The following COL6A6 variants were observed in gnomAD, a reference collection of about 807,000 sequenced individuals.
The protein encoded by COL6A6 is collagen type VI alpha 6 chain.
A neutral mutation model predicts 208.6 loss-of-function variants in COL6A6; 183 were observed. The ratio of observed to expected loss-of-function variants is 0.88; its 90% CI spans 0.78 to 0.99. The LOEUF (loss-of-function observed/expected upper bound fraction) is 0.99. Among genes scored for constraint, COL6A6 ranks in the 50% least tolerant of loss-of-function variants. The pLI, the probability that COL6A6 is intolerant of heterozygous loss-of-function variation, is 0.00. For missense variants in COL6A6, 2,816 were observed against 2,815.2 expected, an observed-to-expected ratio of 1.00 and a Z score of -0.01; for synonymous variants, 973 against 1,011.8, an observed-to-expected ratio of 0.96 and a Z score of 0.73.
At chr3:130,614,380 G>T (rs1264035374) in intron 23 of COL6A6, among the ~76,000 whole-genome samples, 1 of 152,122 alleles carries the variant, frequency 6.6e-6, no homozygotes, top group Non-Finnish European at 1.5e-5. Flanking sequence ...TGGTGAATTA[G>T]CTTTTTGATG....
chr3:130,518,564 A>G (rs1021326482), intron 1 of COL6A6, among the ~76,000 whole-genome samples: 10 of 152,194 alleles, frequency 6.6e-5, no homozygotes, highest in African/African-American at 1.4e-4. Context: ...CTGGAGTGCA[A>G]TGCGCCATCT....
chr3:130,634,488 A>G, intron 26 of COL6A6, 102 bp from the exon 27 acceptor site: 2 of 994,752 alleles, frequency 2.0e-6, no homozygotes, highest in Non-Finnish European at 3.1e-6. Context: ...TCCTTAATTC[A>G]GAGGTACCAA....
At chr3:130,656,256 G>C (rs2065786419) in intron 33 of COL6A6, among the ~76,000 whole-genome samples, 1 of 152,244 alleles carries the variant, frequency 6.6e-6, no homozygotes, top group Non-Finnish European at 1.5e-5. Context: ...TGGGTCCTGA[G>C]TTTTTGTCCT....
At chr3:130,534,501 G>T in intron 1 of COL6A6, among the ~76,000 whole-genome samples, 1 of 151,938 alleles carries the variant, frequency 6.6e-6, no homozygotes. Context: ...TATACTTACT[G>T]TATTTTCATT....
chr3:130,608,944 C>G lies in COL6A6; in HGVS notation c.4732C>G (p.Leu1578Val), dbSNP rs747329740. ...AGGACCAGATGGACTTGAAGGCTCC[C>G]TGGGACTTAAGGGCCCTCAGGTACA... The part of the protein sequence containing the change: ...IPGPDGLEGS[L>V]GLKGPQGPRG... Residue 1578 changes from leucine to valine, a missense_variant, in exon 22 of 37, where the codon CTG becomes GTG. Transcript: ENST00000358511. The G allele has an allele frequency of 3.0e-5, 48 of 1,613,180 alleles. No individual in the cohort carries two copies. Among genetic ancestry groups the G allele is most frequent in the East Asian group, 8.9e-5 (4 of 44,878 alleles).
At chr3:130,652,283 G>C (rs1457336701) in intron 33 of COL6A6, among the ~76,000 whole-genome samples, 1 of 152,202 alleles carries the variant, frequency 6.6e-6, no homozygotes, top group East Asian at 1.9e-4. Flanking sequence ...ATGCTGGGAT[G>C]TAGGTTGGTT....
intron 1 of COL6A6, among the ~76,000 whole-genome samples, chr3:130,520,139 T>G (rs904017265): frequency 2.0e-5 from 3 of 152,230 alleles, no homozygotes; most frequent in Non-Finnish European, 2.9e-5. Context: ...AGGGTCAAAT[T>G]ATGCCTGCAG....
chr3:130,625,702 T>C (rs1278962996), intron 24 of COL6A6, among the ~76,000 whole-genome samples: 1 of 152,142 alleles, frequency 6.6e-6, no homozygotes, highest in African/African-American at 2.4e-5. Context: ...GGATCCTGGA[T>C]GGGATCCTGG....
intron 1 of COL6A6, among the ~76,000 whole-genome samples, chr3:130,552,839 G>A (rs2062676833): frequency 6.6e-6 from 1 of 152,072 alleles, no homozygotes; most frequent in African/African-American, 2.4e-5. Flanking sequence ...TCTTAAGGCA[G>A]GTCTGGTAAT....
intron 1 of COL6A6, among the ~76,000 whole-genome samples, chr3:130,543,952 T>C (rs1014855340): frequency 2.0e-5 from 3 of 152,208 alleles, no homozygotes; most frequent in Admixed American, 6.5e-5. Flanking sequence ...CAACATGATA[T>C]TTTGATATAT....
chr3:130,644,498 C>T (rs1181253167), intron 31 of COL6A6, among the ~76,000 whole-genome samples: 8 of 152,190 alleles, frequency 5.3e-5, no homozygotes, highest in Non-Finnish European at 1.0e-4. Flanking sequence ...TTCAGAGTAA[C>T]TCCACCTCTG....
chr3:130,532,530 T>A (rs2062123796), intron 1 of COL6A6, among the ~76,000 whole-genome samples: 1 of 152,182 alleles, frequency 6.6e-6, no homozygotes, highest in Admixed American at 6.5e-5. Context: ...AGCAGGTGAC[T>A]TACTCATGAA....
chr3:130,626,419 C>G (rs950477984), intron 24 of COL6A6, 66 bp from the exon 25 acceptor site: 1 of 1,121,880 alleles, frequency 8.9e-7, no homozygotes, highest in Non-Finnish European at 1.4e-6. Context: ...GTGATCCACA[C>G]AGATGAGCTG....
In COL6A6 at chr3:130,568,495, G is replaced by C. The variant is rs756932668; in HGVS notation, c.2292G>C (p.Gln764His). The C allele has an allele frequency of 6.2e-7, 1 of 1,613,814 alleles. No individual in the cohort carries two copies. The highest frequency in any genetic ancestry group is 1.1e-5 in the South Asian group (1 of 91,078). Residue 764 changes from glutamine to histidine, a missense_variant, in exon 6 of 37, where the codon CAG (glutamine) becomes CAC (histidine). Transcript: ENST00000358511. ...GAGTGTTTGGCTCCAATGTCACCCA[G>C]CTTGAGGAGATCAGTGGGAGGCCCG... ...SVGVFGSNVT[Q>H]LEEISGRPEM... is the part of the protein sequence containing the mutation.
At chr3:130,594,122 C>T (rs2063787226) in intron 17 of COL6A6, among the ~76,000 whole-genome samples, 159 bp from the exon 18 acceptor site, 1 of 152,180 alleles carries the variant, frequency 6.6e-6, no homozygotes, top group Non-Finnish European at 1.5e-5. Context: ...TTATATGGTG[C>T]TTGAAACTAA....
intron 4 of COL6A6, among the ~76,000 whole-genome samples, chr3:130,565,996 T>C (rs4682599): frequency 0.86 from 130,054 of 152,048 alleles, 56,048 homozygotes; most frequent in African/African-American, 0.88. Flanking sequence ...AAATCATCTT[T>C]CCTCATTTCC....
intron 32 of COL6A6, among the ~76,000 whole-genome samples, chr3:130,647,092 C>T (rs1210194961): frequency 6.6e-6 from 1 of 152,150 alleles, no homozygotes; most frequent in African/African-American, 2.4e-5. Context: ...TAGCAGTCCT[C>T]AGTACATAGT....
chr3:130,518,658 C>CCGCT (rs1559940118), intron 1 of COL6A6, among the ~76,000 whole-genome samples: 2 of 152,204 alleles, frequency 1.3e-5, no homozygotes, highest in African/African-American at 4.8e-5. Flanking sequence ...AGGCATGAGC[C>CCGCT]ACCATGCCCG....
At chr3:130,579,478 C>A (rs186036791) in intron 8 of COL6A6, among the ~76,000 whole-genome samples, 2 of 152,102 alleles carry the variant, frequency 1.3e-5, no homozygotes, top group Non-Finnish European at 2.9e-5. Context: ...ACAGACTTGC[C>A]CCCCAGGATT....
Sources: gnomAD v4.1 joint callset for allele counts (sites outside exome capture counted in the v4.1 genomes callset) on GRCh38, gnomAD v4.1.1 for gene constraint, MANE v1.5 for transcripts, NCBI Gene and HGNC (gene_info 2026-07-23, HGNC 2026-07-21) for gene names.